MSRA: variants seen among roughly 807,000 people sequenced by gnomAD.
MSRA encodes the protein mitochondrial peptide methionine sulfoxide reductase.
MSRA carries 54 observed loss-of-function variants against 31.3 expected under a neutral mutation model. That is an observed-to-expected ratio of 1.73 (90% CI 1.39 to 2.17). MSRA has a LOEUF of 2.17. Among genes scored for constraint, MSRA ranks in the 30% most tolerant of loss-of-function variants. MSRA has a pLI of 0.00. For synonymous variants in MSRA, 169 were observed against 116.5 expected, an observed-to-expected ratio of 1.45 and a Z score of -2.90; for missense variants, 507 against 300.9, an observed-to-expected ratio of 1.69 and a Z score of -5.07.
chr8:10,173,068 C>A (rs1373523109), intron 1 of MSRA, among the ~76,000 whole-genome samples: 1 of 152,234 alleles, frequency 6.6e-6, no homozygotes, highest in East Asian at 1.9e-4. Context: ...TTTAAAATAG[C>A]ACACTTCTGG....
intron 1 of MSRA, among the ~76,000 whole-genome samples, chr8:10,138,943 A>G (rs1415362839): frequency 6.6e-6 from 1 of 152,230 alleles, no homozygotes; most frequent in African/African-American, 2.4e-5. Flanking sequence ...GTCCCCAGAA[A>G]TACACAGGTA....
chr8:10,100,740 C>G (rs1281146149), intron 1 of MSRA, among the ~76,000 whole-genome samples: 1 of 152,140 alleles, frequency 6.6e-6, no homozygotes, highest in African/African-American at 2.4e-5. Context: ...TATTTTATTT[C>G]TCCAAAAGCA....
chr8:10,323,457 C>G (rs945348968), intron 5 of MSRA, among the ~76,000 whole-genome samples: 1 of 152,114 alleles, frequency 6.6e-6, no homozygotes, highest in African/African-American at 2.4e-5. Flanking sequence ...TGAAGATTTT[C>G]AGTTCAAGGC....
At chr8:10,173,923 G>A (rs1344969165) in intron 1 of MSRA, among the ~76,000 whole-genome samples, 1 of 152,216 alleles carries the variant, frequency 6.6e-6, no homozygotes, top group African/African-American at 2.4e-5. Flanking sequence ...AATGGTCCCA[G>A]CGTGCTGTGG....
At chr8:10,318,385 C>G (rs1801847481) in intron 4 of MSRA, among the ~76,000 whole-genome samples, 1 of 152,144 alleles carries the variant, frequency 6.6e-6, no homozygotes, top group Admixed American at 6.5e-5. Flanking sequence ...TCTTACCCCT[C>G]CCTCCCTCGT....
At chr8:10,274,457 C>A (rs995589180) in intron 3 of MSRA, among the ~76,000 whole-genome samples, 1 of 152,126 alleles carries the variant, frequency 6.6e-6, no homozygotes, top group Non-Finnish European at 1.5e-5. Flanking sequence ...AGTGATGAAG[C>A]TGAGGCTAGG....
intron 1 of MSRA, among the ~76,000 whole-genome samples, chr8:10,124,144 T>C (rs17746227): frequency 0.31 from 47,784 of 151,958 alleles, 8,490 homozygotes; most frequent in Middle Eastern, 0.47. Context: ...TCTAGAAACA[T>C]AGAGGCAAAG....
chr8:10,338,004 G>A (rs951272087), intron 5 of MSRA, among the ~76,000 whole-genome samples: 9 of 152,108 alleles, frequency 5.9e-5, no homozygotes, highest in African/African-American at 1.9e-4. Context: ...TAGAAGATAT[G>A]AGAAATGAAC....
At chr8:10,419,053 G>T (rs1808654283) in intron 5 of MSRA, among the ~76,000 whole-genome samples, 1 of 152,126 alleles carries the variant, frequency 6.6e-6, no homozygotes, top group African/African-American at 2.4e-5. Context: ...CACAAACACA[G>T]GGTGCACATG....
chr8:10,255,798 T>G (rs1340724188), intron 3 of MSRA, among the ~76,000 whole-genome samples: 4 of 46,664 alleles, frequency 8.6e-5, no homozygotes, highest in Admixed American at 6.2e-4. Flanking sequence ...AGGCTGCTGG[T>G]TTTTTTTTTA....
intron 3 of MSRA, among the ~76,000 whole-genome samples, chr8:10,264,053 C>T (rs2975675): frequency 0.83 from 126,637 of 152,182 alleles, 52,952 homozygotes; most frequent in East Asian, 0.96. Flanking sequence ...TATATTTTAC[C>T]TTAATAAGCT....
chr8:10,414,287 G>GTAA (rs1808329378), intron 5 of MSRA, among the ~76,000 whole-genome samples: 1 of 152,228 alleles, frequency 6.6e-6, no homozygotes. Flanking sequence ...AGAGACATGT[G>GTAA]TAAGTAAACA....
chr8:10,181,544 A>C (rs1449826406), intron 1 of MSRA, among the ~76,000 whole-genome samples: 1 of 152,124 alleles, frequency 6.6e-6, no homozygotes, highest in Non-Finnish European at 1.5e-5. Context: ...AATGTATCCT[A>C]AAAGTCATGG....
chr8:10,362,469 A>AG (rs1453685140), intron 5 of MSRA, among the ~76,000 whole-genome samples: 1 of 151,404 alleles, frequency 6.6e-6, no homozygotes, highest in East Asian at 1.9e-4. Context: ...AGCAAAAAAA[A>AG]AAAAAAAAAA....
rs147979516 is a variant in MSRA at position 10,169,598 on chromosome 8, A to G, written c.143-38235A>G. ...AGATAAGACACAAAAACCAGAAGCCATAAAAGAAAATGATAGATTGGACTT... is the reference window on the plus strand; with the variant it reads ...AGATAAGACACAAAAACCAGAAGCCGTAAAAGAAAATGATAGATTGGACTT... On this transcript the variant is annotated intron_variant, in intron 1 of 5. Transcript: ENST00000317173. Among the ~76,000 whole-genome samples the G allele has an allele frequency of 4.0e-3, 611 of 152,366 alleles. 12 individuals carry two copies. Among genetic ancestry groups the G allele is most frequent in the East Asian group, 0.032 (168 of 5,186 alleles).
intron 1 of MSRA, among the ~76,000 whole-genome samples, chr8:10,178,093 G>T (rs1806212029): frequency 6.6e-6 from 1 of 152,064 alleles, no homozygotes; most frequent in Non-Finnish European, 1.5e-5. Context: ...CCTGAGAATG[G>T]CAAACTTTGT....
chr8:10,147,802 C>T (rs183947520), intron 1 of MSRA, among the ~76,000 whole-genome samples: 1 of 152,316 alleles, frequency 6.6e-6, no homozygotes, highest in East Asian at 1.9e-4. Context: ...CCCAGGGGCT[C>T]GGAGACAGGT....
intron 3 of MSRA, among the ~76,000 whole-genome samples, chr8:10,254,459 C>G (rs1281311974): frequency 6.6e-6 from 1 of 152,214 alleles, no homozygotes; most frequent in African/African-American, 2.4e-5. Flanking sequence ...TAATACCCAT[C>G]TTAGGTTTAG....
At chr8:10,337,698 T>C (rs766923566) in intron 5 of MSRA, 159 of 702,558 alleles carry the variant, frequency 2.3e-4, no homozygotes, top group Non-Finnish European at 3.2e-4. Context: ...ATACTCCTCC[T>C]CTCTCGGCAG....
Sources: allele counts gnomAD v4.1 joint callset (sites outside exome capture counted in the v4.1 genomes callset), GRCh38; gene constraint gnomAD v4.1.1; transcripts MANE v1.5; gene names NCBI Gene and HGNC (gene_info 2026-07-23, HGNC 2026-07-21).